Variants in CENPP observed in about 807,000 individuals in gnomAD.
The protein encoded by CENPP is centromere protein P.
Under a neutral mutation model 35.6 loss-of-function variants are expected in CENPP, and 24 were observed. The observed-to-expected ratio is 0.67, with a 90% CI of 0.49 to 0.95. CENPP has a LOEUF of 0.95. CENPP is among the 40% of genes least tolerant of loss of function. The pLI, the probability that CENPP is intolerant of heterozygous loss-of-function variation, is 0.00. For missense variants in CENPP, 332 were observed against 345.3 expected (o/e 0.96, Z 0.31); for synonymous variants, 120 against 125.5 (o/e 0.96, Z 0.29).
At chr9:92,515,169 A>T in intron 5 of CENPP, 1 of 1,607,248 alleles carries the variant, frequency 6.2e-7, no homozygotes, top group Non-Finnish European at 8.5e-7. Context: ...CATTTCTATC[A>T]TTTAATGCTA....
At chr9:92,606,529 T>C (rs1039629891) in intron 5 of CENPP, among the ~76,000 whole-genome samples, 6 of 152,202 alleles carry the variant, frequency 3.9e-5, no homozygotes, top group Admixed American at 3.9e-4. Context: ...CTCCTAGATA[T>C]ATAACCAAGG....
chr9:92,453,593 A>C (rs924630468), intron 5 of CENPP, among the ~76,000 whole-genome samples: 3 of 152,072 alleles, frequency 2.0e-5, no homozygotes, highest in Admixed American at 6.6e-5. Flanking sequence ...TGGGGTGGAG[A>C]GTTCTGTAGA....
At chr9:92,457,226 A>G (rs1036406249) in intron 5 of CENPP, 31 of 1,573,250 alleles carry the variant, frequency 2.0e-5, no homozygotes, top group Non-Finnish European at 2.6e-5. Flanking sequence ...ATAGAGTTCA[A>G]GTATTCCAAA....
chr9:92,533,265 A>AC (rs1349066739), intron 5 of CENPP, among the ~76,000 whole-genome samples: 20 of 129,276 alleles, frequency 1.5e-4, no homozygotes, highest in African/African-American at 5.5e-4. Context: ...ACACCACTGC[A>AC]CCCCAGCCTG....
At chr9:92,417,483 G>T (rs1843651911) in intron 5 of CENPP, 1 of 1,613,352 alleles carries the variant, frequency 6.2e-7, no homozygotes, top group African/African-American at 1.3e-5. Flanking sequence ...TCATCCCACT[G>T]ATAAGTTTCA....
intron 5 of CENPP, chr9:92,459,890 A>G (rs1845033864): frequency 1.3e-6 from 1 of 772,058 alleles, no homozygotes; most frequent in Non-Finnish European, 1.9e-6. Context: ...ATGTTCAAAG[A>G]TATTTCATTA....
In CENPP at chr9:92,546,742, T is replaced by C. The variant is rs140721656; in HGVS notation, c.565-64572T>C. 8.5e-5 allele frequency among the ~76,000 whole-genome samples: 13 copies of C among 152,318 alleles called. No individual in the cohort carries two copies. In the East Asian group the frequency reaches 2.5e-3, roughly 29 times the overall value. The stretch of plus-strand genomic sequence containing the variant: ...CCCAGCAGTTCTGCACACAATACTA[T>C]GAACAATTTTATGCTAGTAAATTGA... On this transcript the variant is annotated intron_variant, in intron 5 of 7. Transcript: ENST00000375587.
At position 92,558,744 on chromosome 9, in the gene CENPP, G is replaced by A. The variant is rs115481495; in HGVS notation, c.565-52570G>A. On this transcript the variant is annotated intron_variant, in intron 5 of 7. Coordinates refer to ENST00000375587, the MANE Select transcript of CENPP (RefSeq NM_001012267.3). ...TGTCTTCAGCTACCAGGGTGGATAG[G>A]AAAGGACCATCAGGTGGGGACAGGG... Among the ~76,000 whole-genome samples, 1,255 of 152,206 alleles carry A rather than the reference G, an allele frequency of 8.2e-3. 31 individuals are homozygous for A. The highest frequency in any genetic ancestry group is 0.029 in the African/African-American group (1,197 of 41,518).
At chr9:92,357,486 A>C (rs1209700948) in intron 4 of CENPP, among the ~76,000 whole-genome samples, 2 of 144,488 alleles carry the variant, frequency 1.4e-5, no homozygotes. Context: ...TATTATTATT[A>C]TTATTATTAT....
chr9:92,457,044 A>G, intron 5 of CENPP: 1 of 1,270,514 alleles, frequency 7.9e-7, no homozygotes, highest in South Asian at 2.2e-5. Flanking sequence ...CATGAGATTT[A>G]TGTAAGATCA....
At chr9:92,420,759 T>A (rs1843766866) in intron 5 of CENPP, among the ~76,000 whole-genome samples, 1 of 151,482 alleles carries the variant, frequency 6.6e-6, no homozygotes, top group African/African-American at 2.4e-5. Flanking sequence ...TTGTTTTTGT[T>A]TTTTTTTTAA....
chr9:92,365,789 CT>C (rs200237461), intron 4 of CENPP, among the ~76,000 whole-genome samples: 6 of 143,758 alleles, frequency 4.2e-5, no homozygotes, highest in African/African-American at 5.6e-5. Flanking sequence ...TCATTTCTTT[CT>C]TTTTTTTTTC....
At chr9:92,511,842 A>G (rs1847363300) in intron 5 of CENPP, among the ~76,000 whole-genome samples, 1 of 152,262 alleles carries the variant, frequency 6.6e-6, no homozygotes, top group Non-Finnish European at 1.5e-5. Flanking sequence ...ATAGTAAACT[A>G]TATTCAAGGG....
rs148477641 is a variant in CENPP at position 92,612,559 on chromosome 9, T to A, written c.681T>A (p.Asp227Glu). Residue 227 changes from aspartate (D) to glutamate (E), a missense_variant, in exon 7 of 8, where the codon GAT (aspartate) becomes GAA (glutamate). Physicochemically the swap from Asp to Glu is conservative, Grantham distance 45. Coordinates refer to ENST00000375587, the MANE Select transcript of CENPP (RefSeq NM_001012267.3). The stretch of plus-strand genomic sequence containing the variant: ...TCATTGTTTGGAGGATACAAATAGA[T>A]GAAGATGGGAAGGTTTTTCCAAAGC... The part of the protein sequence containing the change: ...ELVIVWRIQI[D>E]EDGKVFPKLD... The A allele has an allele frequency of 1.2e-5, 20 of 1,614,100 alleles. No homozygotes were observed. Among genetic ancestry groups the A allele is most frequent in the Admixed American group, 6.7e-5 (4 of 60,002 alleles).
intron 5 of CENPP, among the ~76,000 whole-genome samples, chr9:92,406,642 T>C (rs967719300): frequency 1.3e-5 from 2 of 152,220 alleles, no homozygotes; most frequent in African/African-American, 4.8e-5. Flanking sequence ...CATCTGGCAC[T>C]GCAGCCTCAC....
chr9:92,364,464 GT>G (rs139723434), intron 4 of CENPP, among the ~76,000 whole-genome samples: 1 of 151,988 alleles, frequency 6.6e-6, no homozygotes, highest in Non-Finnish European at 1.5e-5. Flanking sequence ...GGTTCTTTGG[GT>G]TTTTTCTCCT....
In CENPP at chr9:92,494,242, T is replaced by A; in HGVS notation, c.564+114383T>A. On this transcript the variant is annotated intron_variant, in intron 5 of 7. Coordinates refer to ENST00000375587, the MANE Select transcript of CENPP (RefSeq NM_001012267.3). ...ATGCTAGTTCTGCTGACTCACCTTA[T>A]TCAGTTTGAGCCCCCTTTAATACTA... 2.3e-6 allele frequency: 3 copies of A among 1,284,460 alleles called. No individual in the cohort carries two copies. In the South Asian group the frequency reaches 4.1e-5, roughly 18 times the overall value. 79.6% of individuals were successfully genotyped at this position (1,284,460 alleles called of 1,614,324 possible).
At chr9:92,471,420 C>T (rs1845510302) in intron 5 of CENPP, among the ~76,000 whole-genome samples, 1 of 151,968 alleles carries the variant, frequency 6.6e-6, no homozygotes, top group South Asian at 2.1e-4. Flanking sequence ...TGGTCTCAGA[C>T]TCCTGACCTC....
chr9:92,599,054 C>T (rs542346970), intron 5 of CENPP, among the ~76,000 whole-genome samples: 25 of 151,748 alleles, frequency 1.6e-4, no homozygotes, highest in Admixed American at 5.9e-4. Flanking sequence ...GAACTGAGAT[C>T]GCACCACTGC....
Sources: gnomAD v4.1 joint callset for allele counts (sites outside exome capture counted in the v4.1 genomes callset) on GRCh38, gnomAD v4.1.1 for gene constraint, MANE v1.5 for transcripts, NCBI Gene and HGNC (gene_info 2026-07-23, HGNC 2026-07-21) for gene names.